PPP3R1: variants seen among roughly 807,000 people sequenced by gnomAD.
PPP3R1 encodes the protein protein phosphatase 3 regulatory subunit B, alpha, also known as calcineurin subunit B type 1.
In PPP3R1, 5 loss-of-function variants were observed where a neutral mutation model predicts 22.6. The ratio of observed to expected loss-of-function variants is 0.22; its 90% CI spans 0.12 to 0.46. PPP3R1 has a LOEUF of 0.46. Ranked by LOEUF, PPP3R1 falls within the 20% of genes least tolerant of loss-of-function variation. PPP3R1 has a pLI of 0.99. For synonymous variants in PPP3R1, 56 were observed against 65.2 expected, an observed-to-expected ratio of 0.86 and a Z score of 0.68; for missense variants, 61 against 203.2, an observed-to-expected ratio of 0.30 and a Z score of 4.25.
At chr2:68,225,912 T>A (rs1669771618) in intron 1 of PPP3R1, among the ~76,000 whole-genome samples, 1 of 152,218 alleles carries the variant, frequency 6.6e-6, no homozygotes. Context: ...GCTTTATTCT[T>A]AATAGACCAA....
chr2:68,249,864 T>C (rs1454639388), intron 1 of PPP3R1, among the ~76,000 whole-genome samples: 1 of 152,220 alleles, frequency 6.6e-6, no homozygotes, highest in African/African-American at 2.4e-5. Flanking sequence ...TTTCATACTG[T>C]AAATGCTGTT....
chr2:68,232,220 T>TATACATATTATATACA (rs1372026473), intron 1 of PPP3R1, among the ~76,000 whole-genome samples: 1 of 31,546 alleles, frequency 3.2e-5, no homozygotes, highest in African/African-American at 3.0e-4. Context: ...TGTATATGTA[T>TATACATATTATATACA]ATATGTGTGT....
chr2:68,189,520 ATAAG>A (rs1394206074), intron 2 of PPP3R1, among the ~76,000 whole-genome samples: 1 of 152,238 alleles, frequency 6.6e-6, no homozygotes, highest in Non-Finnish European at 1.5e-5. Context: ...ACTAATACAC[ATAAG>A]TAATTTTGAT....
At chr2:68,220,368 G>T (rs1669665015) in intron 1 of PPP3R1, among the ~76,000 whole-genome samples, 1 of 152,196 alleles carries the variant, frequency 6.6e-6, no homozygotes, top group African/African-American at 2.4e-5. Flanking sequence ...AACTCCCCAA[G>T]TCCAGGAAAA....
intron 1 of PPP3R1, 23 bp from the exon 2 acceptor site, chr2:68,217,154 T>A: frequency 6.4e-7 from 1 of 1,556,398 alleles, no homozygotes; most frequent in African/African-American, 1.4e-5. Context: ...AAAGAAATAA[T>A]TAGTCATAAA....
intron 1 of PPP3R1, among the ~76,000 whole-genome samples, chr2:68,229,317 T>A (rs1669843964): frequency 1.3e-5 from 2 of 152,114 alleles, no homozygotes; most frequent in African/African-American, 4.8e-5. Context: ...CCAAATGAGG[T>A]TTACTTTTAT....
chr2:68,212,183 C>T (rs1669500556), intron 2 of PPP3R1, among the ~76,000 whole-genome samples: 3 of 152,132 alleles, frequency 2.0e-5, no homozygotes, highest in Admixed American at 2.0e-4. Flanking sequence ...GGAGTTCAAG[C>T]CATTCTTGTG....
At chr2:68,245,951 C>T (rs759514659) in intron 1 of PPP3R1, among the ~76,000 whole-genome samples, 17 of 152,014 alleles carry the variant, frequency 1.1e-4, no homozygotes, top group Non-Finnish European at 2.1e-4. Flanking sequence ...GAGTCATAAA[C>T]TCCCTTCTAC....
chr2:68,218,744 A>G (rs1424071334), intron 1 of PPP3R1, among the ~76,000 whole-genome samples: 2 of 148,784 alleles, frequency 1.3e-5, no homozygotes, highest in Admixed American at 6.7e-5. Context: ...TTTTTTTTAA[A>G]TAAGTATCAT....
chr2:68,186,186 T>C (rs1322881391), intron 5 of PPP3R1, among the ~76,000 whole-genome samples: 1 of 152,204 alleles, frequency 6.6e-6, no homozygotes, highest in Non-Finnish European at 1.5e-5. Flanking sequence ...GCTAAGTGGT[T>C]GTGGTTGTGC....
chr2:68,218,645 A>G (rs867339698), intron 1 of PPP3R1, among the ~76,000 whole-genome samples: 1 of 150,414 alleles, frequency 6.6e-6, no homozygotes, highest in Non-Finnish European at 1.5e-5. Flanking sequence ...ATTCCACTCC[A>G]CCTTAAAGTT....
Position 68,179,096 on chromosome 2 carries a change from A to G in PPP3R1, c.*1867T>C, listed in dbSNP as rs1674350646. Reference sequence around the variant, plus strand: ...CTGTAACGCCAGCCAAGATATGCACAAGCAAGAGAAATAGAAAGCATTTGC... The same window carrying G: ...CTGTAACGCCAGCCAAGATATGCACGAGCAAGAGAAATAGAAAGCATTTGC... On this transcript the variant is annotated 3_prime_UTR_variant, in exon 6 of 6. Coordinates refer to ENST00000234310, the MANE Select transcript of PPP3R1 (RefSeq NM_000945.4). 6.6e-6 allele frequency: 1 copy of G among 152,600 alleles called. No individual in the cohort carries two copies. Among genetic ancestry groups the G allele is most frequent in the South Asian group, 2.1e-4 (1 of 4,832 alleles). 9.5% of individuals were successfully genotyped at this position (152,600 alleles called of 1,614,324 possible). A position where few individuals can be genotyped will look rare whatever the true frequency, so the allele number is the denominator to read the frequency against.
rs146560735 is a variant in PPP3R1, at chr2:68,232,418, G to A, written c.4-15287C>T. On this transcript the variant is annotated intron_variant, in intron 1 of 5. Coordinates refer to ENST00000234310, the MANE Select transcript of PPP3R1 (RefSeq NM_000945.4). ...ATCACACCACTGCACTCCAGCCTGC[G>A]CAACAGAGTGAGACTCTTGTCTCAA... Among the ~76,000 whole-genome samples the A allele has an allele frequency of 5.2e-3, 765 of 147,560 alleles. 6 individuals are homozygous for A. The highest frequency in any genetic ancestry group is 0.018 in the African/African-American group (729 of 40,088).
At chr2:68,237,586 A>T (rs1347189322) in intron 1 of PPP3R1, among the ~76,000 whole-genome samples, 1 of 152,196 alleles carries the variant, frequency 6.6e-6, no homozygotes, top group Non-Finnish European at 1.5e-5. Context: ...GAATAATAAA[A>T]TACCAAAACA....
At chr2:68,217,473 G>C (rs1415090048) in intron 1 of PPP3R1, among the ~76,000 whole-genome samples, 1 of 152,090 alleles carries the variant, frequency 6.6e-6, no homozygotes, top group Non-Finnish European at 1.5e-5. Context: ...ATGTCTTGCT[G>C]GGTGAACTGA....
intron 1 of PPP3R1, among the ~76,000 whole-genome samples, chr2:68,242,772 G>A (rs1312237409): frequency 6.6e-6 from 1 of 152,074 alleles, no homozygotes; most frequent in Admixed American, 6.6e-5. Context: ...GCTTGCTTAT[G>A]GCATTACACT....
Position 68,198,478 on chromosome 2 carries a change from TATATATATGTATATAC to T in PPP3R1, c.44-9804_44-9789del, listed in dbSNP as rs1405204257. 5.7e-3 allele frequency among the ~76,000 whole-genome samples: 854 copies of T among 150,122 alleles called. 16 individuals are homozygous for T. Among genetic ancestry groups the T allele is most frequent in the African/African-American group, 0.02 (825 of 41,114 alleles). Reference sequence around the variant, plus strand: ...ACATATATACGTATATATGCGTATGTATATATATGTATATACATATATATGTGTATACATATATGAA... The same window carrying T: ...ACATATATACGTATATATGCGTATGTATATATATGTGTATACATATATGAA... On this transcript the variant is annotated intron_variant, in intron 2 of 5. Transcript: ENST00000234310.
intron 2 of PPP3R1, among the ~76,000 whole-genome samples, chr2:68,194,203 G>C (rs1251217652): frequency 3.3e-5 from 5 of 152,048 alleles, no homozygotes; most frequent in Non-Finnish European, 7.4e-5. Flanking sequence ...AGATATTTTA[G>C]TCAGAGTTTA....
At chr2:68,239,702 C>T (rs560884232) in intron 1 of PPP3R1, among the ~76,000 whole-genome samples, 35 of 152,284 alleles carry the variant, frequency 2.3e-4, no homozygotes, top group African/African-American at 8.2e-4. Flanking sequence ...TTTGTGCATT[C>T]ACTCAAGAAA....
Sources: allele counts gnomAD v4.1 joint callset (sites outside exome capture counted in the v4.1 genomes callset), GRCh38; gene constraint gnomAD v4.1.1; transcripts MANE v1.5; gene names NCBI Gene and HGNC (gene_info 2026-07-23, HGNC 2026-07-21).